The following TASP1 variants were observed in gnomAD, a reference collection of about 807,000 sequenced individuals.
TASP1 encodes threonine aspartase 1.
In TASP1, 16 loss-of-function variants were observed where a neutral mutation model predicts 56.6. The ratio of observed to expected loss-of-function variants is 0.28; its 90% CI spans 0.19 to 0.43. The LOEUF (loss-of-function observed/expected upper bound fraction) is 0.43. Among genes scored for constraint, TASP1 ranks in the 20% least tolerant of loss-of-function variants. The pLI, the probability that TASP1 is intolerant of heterozygous loss-of-function variation, is 1.00. For missense variants in TASP1, 393 were observed against 511.6 expected, an observed-to-expected ratio of 0.77 and a Z score of 2.24; for synonymous variants, 179 against 184.2, an observed-to-expected ratio of 0.97 and a Z score of 0.23.
chr20:13,628,144 C>T (rs931371322), intron 2 of TASP1, among the ~76,000 whole-genome samples: 1 of 152,218 alleles, frequency 6.6e-6, no homozygotes, highest in Non-Finnish European at 1.5e-5. Flanking sequence ...TACCTTTAAT[C>T]ATAGCTTCTG....
At chr20:13,212,936 C>A in the TASP1 span, among the ~76,000 whole-genome samples, 13 of 152,246 alleles carry the variant, frequency 8.5e-5, no homozygotes, top group African/African-American at 3.1e-4. Context: ...ATTGTGAAAT[C>A]CTCGCCACAA....
At chr20:13,214,097 C>A in the TASP1 span, among the ~76,000 whole-genome samples, 1 of 152,044 alleles carries the variant, frequency 6.6e-6, no homozygotes, top group Non-Finnish European at 1.5e-5. Flanking sequence ...ACAATTTGAA[C>A]CATTTGAATG....
the TASP1 span, among the ~76,000 whole-genome samples, chr20:13,200,187 C>T: frequency 2.6e-5 from 4 of 151,988 alleles, no homozygotes; most frequent in Non-Finnish European, 5.9e-5. Flanking sequence ...CGAGACATAA[C>T]CCATAGTGAT....
chr20:13,493,475 T>TTCCTCCTGC (rs1267067016), intron 10 of TASP1, among the ~76,000 whole-genome samples: 2 of 152,192 alleles, frequency 1.3e-5, no homozygotes, highest in Admixed American at 1.3e-4. Context: ...TACTGGATGC[T>TTCCTCCTGC]TCCTCCTGCT....
intron 13 of TASP1, among the ~76,000 whole-genome samples, chr20:13,415,330 T>C (rs1013004800): frequency 1.3e-5 from 2 of 152,110 alleles, no homozygotes; most frequent in African/African-American, 4.8e-5. Context: ...ATCTATAACT[T>C]TGTCTTACTT....
chr20:13,571,043 G>A (rs2046695237), intron 6 of TASP1, among the ~76,000 whole-genome samples: 1 of 152,170 alleles, frequency 6.6e-6, no homozygotes, highest in Non-Finnish European at 1.5e-5. Context: ...TCTGGAATCA[G>A]TGAGGGGCAT....
At chr20:13,495,293 A>G (rs1217614390) in intron 10 of TASP1, among the ~76,000 whole-genome samples, 1 of 152,196 alleles carries the variant, frequency 6.6e-6, no homozygotes, top group African/African-American at 2.4e-5. Flanking sequence ...AAATCATTTC[A>G]TCAGCTTTAA....
intron 10 of TASP1, among the ~76,000 whole-genome samples, chr20:13,487,769 G>A (rs979677144): frequency 6.6e-6 from 1 of 152,128 alleles, no homozygotes; most frequent in Non-Finnish European, 1.5e-5. Flanking sequence ...ATTTCAAGAA[G>A]TGAAAATAAT....
chr20:13,125,743 G>A, the TASP1 span, among the ~76,000 whole-genome samples: 1 of 152,188 alleles, frequency 6.6e-6, no homozygotes, highest in Admixed American at 6.5e-5. Flanking sequence ...GCTGGAGAGA[G>A]TTCTGAGAGG....
chr20:13,536,266 G>A (rs1466027505), intron 8 of TASP1, among the ~76,000 whole-genome samples: 1 of 152,090 alleles, frequency 6.6e-6, no homozygotes, highest in Non-Finnish European at 1.5e-5. Flanking sequence ...CACCCCAGGG[G>A]ACCATTATCC....
intron 4 of TASP1, among the ~76,000 whole-genome samples, chr20:13,612,310 T>C (rs1260808087): frequency 3.3e-5 from 5 of 152,132 alleles, no homozygotes; most frequent in Non-Finnish European, 7.4e-5. Context: ...AGATGAGCTT[T>C]CTACTCAGAG....
intron 9 of TASP1, among the ~76,000 whole-genome samples, chr20:13,532,963 C>A (rs917988466): frequency 5.3e-5 from 8 of 152,172 alleles, no homozygotes; most frequent in African/African-American, 1.9e-4. Context: ...TAATCATTCC[C>A]TATACAGCCC....
intron 8 of TASP1, among the ~76,000 whole-genome samples, chr20:13,557,572 G>GGTTTTTT (rs1293106640): frequency 3.0e-5 from 3 of 99,738 alleles, no homozygotes; most frequent in Non-Finnish European, 4.1e-5. Flanking sequence ...GATGTTTTTG[G>GGTTTTTT]TTTTTTTTTT....
the TASP1 span, among the ~76,000 whole-genome samples, chr20:13,335,390 T>C: frequency 1.4e-3 from 211 of 151,642 alleles, 2 homozygotes; most frequent in Non-Finnish European, 1.5e-4. Flanking sequence ...GAGATTTAGA[T>C]TTCTCTCCAA....
At chr20:13,632,745 T>C (rs1013217574) in intron 1 of TASP1, among the ~76,000 whole-genome samples, 2 of 152,168 alleles carry the variant, frequency 1.3e-5, no homozygotes, top group Non-Finnish European at 2.9e-5. Flanking sequence ...CAGTTAGAAA[T>C]GAAGCAACTT....
intron 1 of TASP1, among the ~76,000 whole-genome samples, chr20:13,637,112 G>T (rs1425581913): frequency 6.6e-6 from 1 of 152,142 alleles, no homozygotes; most frequent in East Asian, 1.9e-4. Flanking sequence ...TTTCTCCAAA[G>T]ATATACAAAG....
At chr20:13,290,989 G>C in the TASP1 span, among the ~76,000 whole-genome samples, 1 of 152,168 alleles carries the variant, frequency 6.6e-6, no homozygotes, top group Non-Finnish European at 1.5e-5. Context: ...CCAAGAGAAG[G>C]GTATTGGAAT....
chr20:13,473,326 G>A (rs547106171), intron 11 of TASP1, among the ~76,000 whole-genome samples: 22 of 151,860 alleles, frequency 1.4e-4, no homozygotes, highest in Middle Eastern at 3.4e-3. Context: ...ATCACACACC[G>A]GGGCCTGTTG....
chr20:13,587,215 T>C (rs754778048), intron 5 of TASP1, 35 bp downstream of exon 5: 1 of 1,580,162 alleles, frequency 6.3e-7, no homozygotes, highest in Non-Finnish European at 8.6e-7. Flanking sequence ...ACGTGCATGA[T>C]TTTCCAAAGA....
Sources: gnomAD v4.1 joint callset for allele counts (sites outside exome capture counted in the v4.1 genomes callset) on GRCh38, gnomAD v4.1.1 for gene constraint, MANE v1.5 for transcripts, NCBI Gene and HGNC (gene_info 2026-07-23, HGNC 2026-07-21) for gene names.